The following PRAG1 variants were observed in gnomAD, a reference collection of about 807,000 sequenced individuals.
PRAG1 encodes inactive tyrosine-protein kinase PRAG1.
Under a neutral mutation model 95.6 loss-of-function variants are expected in PRAG1, and 110 were observed. The ratio of observed to expected loss-of-function variants is 1.15; its 90% CI spans 0.99 to 1.35. PRAG1 has a LOEUF of 1.35. PRAG1 is among the 40% of genes most tolerant of loss of function. PRAG1 has a pLI of 0.00. For missense variants in PRAG1, 2,554 were observed against 1,864.7 expected, an observed-to-expected ratio of 1.37 and a Z score of -6.81; for synonymous variants, 1,052 against 819.4, an observed-to-expected ratio of 1.28 and a Z score of -4.85.
At chr8:8,330,173 C>T (rs1387507313) in intron 4 of PRAG1, among the ~76,000 whole-genome samples, 1 of 152,136 alleles carries the variant, frequency 6.6e-6, no homozygotes, top group Non-Finnish European at 1.5e-5. Context: ...CAAGACCAGC[C>T]TGGGCAAAAT....
chr8:8,366,223 A>G (rs1800000061), intron 3 of PRAG1, among the ~76,000 whole-genome samples: 1 of 152,144 alleles, frequency 6.6e-6, no homozygotes, highest in African/African-American at 2.4e-5. Flanking sequence ...TCGGTCTAAA[A>G]TTAGAGTCTC....
intron 3 of PRAG1, among the ~76,000 whole-genome samples, chr8:8,356,191 G>A (rs1342077515): frequency 1.3e-5 from 2 of 152,146 alleles, no homozygotes; most frequent in East Asian, 3.8e-4. Context: ...TCACTAATCA[G>A]GGAAATGCAA....
chr8:8,328,498 A>T (rs777284626), intron 4 of PRAG1, 37 bp from the exon 5 acceptor site: 7 of 1,601,640 alleles, frequency 4.4e-6, no homozygotes, highest in Non-Finnish European at 6.0e-6. Context: ...GACCAAGGCC[A>T]GTGCCACTCA....
rs1798684118 is a variant in PRAG1 at position 8,327,911 on chromosome 8, T to C, written c.2871A>G (p.Gly957=). The stretch of plus-strand genomic sequence containing the variant: ...GGCGGGCCAGGGACTGGGTGTAGAG[T>C]CCCCCCAGCTTGGCATAGGTGCCCT... ...SKEGTYAKLG[G]LYTQSLARLV... The change falls in exon 5 of 6, where the codon GGA becomes GGG. Residue 957 remains glycine (G), a synonymous_variant. Coordinates refer to ENST00000615670, the MANE Select transcript of PRAG1 (RefSeq NM_001080826.3). The C allele has an allele frequency of 3.1e-6, 5 of 1,613,382 alleles. 1 individual carries two copies. The South Asian group carries it at 4.4e-5, about 14-fold the overall frequency.
chr8:8,365,579 G>C (rs187484343), intron 3 of PRAG1, among the ~76,000 whole-genome samples: 2 of 151,852 alleles, frequency 1.3e-5, no homozygotes, highest in African/African-American at 4.8e-5. Context: ...AGCTGACATC[G>C]CGCCATTGCA....
intron 4 of PRAG1, among the ~76,000 whole-genome samples, chr8:8,338,422 C>A (rs2976852): frequency 4.6e-5 from 7 of 152,100 alleles, no homozygotes; most frequent in African/African-American, 1.4e-4. Context: ...AGCACAGGGG[C>A]TCGTGGTCGA....
At chr8:8,344,264 T>C (rs1362956607) in intron 3 of PRAG1, among the ~76,000 whole-genome samples, 1 of 152,236 alleles carries the variant, frequency 6.6e-6, no homozygotes, top group Non-Finnish European at 1.5e-5. Context: ...CATTGTGGTA[T>C]AGTCTTTTGG....
chr8:8,326,135 A>G (rs1283088021), intron 5 of PRAG1, among the ~76,000 whole-genome samples: 1 of 147,704 alleles, frequency 6.8e-6, no homozygotes, highest in Non-Finnish European at 1.5e-5. Context: ...TACTACTATT[A>G]ATAATATTCA....
chr8:8,318,425 C>T lies in PRAG1; in HGVS notation c.3950G>A (p.Arg1317His), dbSNP rs56115338. Residue 1317 changes from arginine to histidine, a missense_variant, in exon 6 of 6, where the codon CGC becomes CAC. Transcript: ENST00000615670. This position sits in a 1 kb window ranked among gnomAD's most constrained non-coding sequence, Gnocchi z 4.2. ...LLEADPIKRI[R>H]IGEAKRVLQC... ...CAGCACGCGCTTGGCCTCGCCGATG[C>T]GGATACGCTTGATGGGGTCGGCCTC... 2,876 of 1,612,866 alleles carry T rather than the reference C, an allele frequency of 1.8e-3. 57 individuals are homozygous for T. The African/African-American group carries it at 0.033, about 19-fold the overall frequency.
intron 1 of PRAG1, among the ~76,000 whole-genome samples, chr8:8,382,253 T>C (rs1312911918): frequency 6.6e-6 from 1 of 152,070 alleles, no homozygotes; most frequent in Non-Finnish European, 1.5e-5. Context: ...ACAAGAACTG[T>C]CAAGCAGTAC....
chr8:8,359,470 A>T (rs4840941), intron 3 of PRAG1, among the ~76,000 whole-genome samples: 1 of 151,964 alleles, frequency 6.6e-6, no homozygotes, highest in Admixed American at 6.5e-5. Context: ...TAGAAATAGC[A>T]TTAGGTACAA....
chr8:8,378,986 A>G (rs1352238066), intron 2 of PRAG1, among the ~76,000 whole-genome samples: 1 of 151,908 alleles, frequency 6.6e-6, no homozygotes, highest in Non-Finnish European at 1.5e-5. Flanking sequence ...GTGGTTTCTG[A>G]ACCAGATCAG....
At chr8:8,365,261 C>T (rs1799962429) in intron 3 of PRAG1, among the ~76,000 whole-genome samples, 1 of 152,152 alleles carries the variant, frequency 6.6e-6, no homozygotes, top group Non-Finnish European at 1.5e-5. Flanking sequence ...CATTGTTAAA[C>T]TATCCCTCCC....
chr8:8,372,802 T>C (rs1800254141), intron 3 of PRAG1, among the ~76,000 whole-genome samples: 2 of 152,074 alleles, frequency 1.3e-5, no homozygotes, highest in South Asian at 4.2e-4. Context: ...TCCCTCCAGG[T>C]CAGAATCAGT....
At position 8,318,754 on chromosome 8, in the gene PRAG1, C is replaced by A; in HGVS notation, c.3621G>T (p.Lys1207Asn). Residue 1207 changes from lysine to asparagine, a missense_variant, in exon 6 of 6, where the codon AAG (lysine) becomes AAT (asparagine). Physicochemically the swap from Lys to Asn is moderately conservative, Grantham distance 94. Transcript: ENST00000615670. The surrounding 1 kb of genome is among the most constrained non-coding windows in gnomAD (Gnocchi z 4.2). ...GPASPEGPRE[K>N]QLPRLIISNF... ...TGCTGATGATGAGCCGGGGCAGCTG[C>A]TTCTCCCGGGGCCCTTCCGGGGAGG... The A allele has an allele frequency of 1.3e-6, 2 of 1,593,964 alleles. No individual in the cohort carries two copies. The highest frequency in any genetic ancestry group is 1.7e-6 in the Non-Finnish European group (2 of 1,170,126).
In PRAG1 at chr8:8,358,098, G is replaced by A. The variant is rs149899514; in HGVS notation, c.2162+18149C>T. On this transcript the variant is annotated intron_variant, in intron 3 of 5. Transcript: ENST00000615670. ...ATCCAAAGCCCAGGTTGTTTTATCTGTGCTTCTGATCAATCAATTATAAAT... is the reference window on the plus strand; with the variant it reads ...ATCCAAAGCCCAGGTTGTTTTATCTATGCTTCTGATCAATCAATTATAAAT... 2.5e-4 allele frequency among the ~76,000 whole-genome samples: 38 copies of A among 152,304 alleles called. No homozygotes were observed. In the East Asian group the frequency reaches 6.8e-3, roughly 27 times the overall value.
At chr8:8,374,799 G>A (rs921238215) in intron 3 of PRAG1, 13 of 585,986 alleles carry the variant, frequency 2.2e-5, no homozygotes, top group East Asian at 1.4e-4. Flanking sequence ...AAAAACCCAC[G>A]TTAGATCACA....
intron 3 of PRAG1, among the ~76,000 whole-genome samples, chr8:8,350,796 A>T (rs1470991049): frequency 6.6e-6 from 1 of 152,214 alleles, no homozygotes; most frequent in Non-Finnish European, 1.5e-5. Context: ...AAATGTGGAT[A>T]ATGACAATAC....
chr8:8,330,938 C>G (rs1223973269), intron 4 of PRAG1, among the ~76,000 whole-genome samples: 1 of 152,176 alleles, frequency 6.6e-6, no homozygotes, highest in Admixed American at 6.5e-5. Flanking sequence ...CACCAAACTC[C>G]CAGCCTGATG....
Sources: gnomAD v4.1 joint callset for allele counts (sites outside exome capture counted in the v4.1 genomes callset) on GRCh38, gnomAD v4.1.1 for gene constraint, Gnocchi (gnomAD v3.1) non-coding constraint, MANE v1.5 for transcripts, NCBI Gene and HGNC (gene_info 2026-07-23, HGNC 2026-07-21) for gene names.